The following LINGO2 variants were observed in gnomAD, a reference collection of about 807,000 sequenced individuals.
LINGO2 encodes leucine-rich repeat and immunoglobulin-like domain-containing nogo receptor-interacting protein 2.
In LINGO2, 14 loss-of-function variants were observed where a neutral mutation model predicts 30.6. The ratio of observed to expected loss-of-function variants is 0.46; its 90% CI spans 0.30 to 0.72. The LOEUF is 0.72. LINGO2 is among the 30% of genes least tolerant of loss of function. The pLI is 0.07. For missense variants in LINGO2, 729 were observed against 751.7 expected, an observed-to-expected ratio of 0.97 and a Z score of 0.35; for synonymous variants, 317 against 288.5, an observed-to-expected ratio of 1.10 and a Z score of -1.00.
At chr9:28,348,641 C>T (rs1445517127) in intron 3 of LINGO2, among the ~76,000 whole-genome samples, 1 of 152,072 alleles carries the variant, frequency 6.6e-6, no homozygotes, top group East Asian at 1.9e-4. Context: ...CTGGGTGGAG[C>T]CCACCACAGC....
At chr9:28,349,928 C>A (rs1032274841) in intron 3 of LINGO2, among the ~76,000 whole-genome samples, 9 of 152,164 alleles carry the variant, frequency 5.9e-5, no homozygotes, top group South Asian at 2.1e-4. Flanking sequence ...GAAATAAAAT[C>A]CTTTACAGAC....
At chr9:28,308,652 A>C (rs1206913564) in intron 3 of LINGO2, among the ~76,000 whole-genome samples, 4 of 148,768 alleles carry the variant, frequency 2.7e-5, no homozygotes, top group Non-Finnish European at 6.0e-5. Context: ...GCAACCTACA[A>C]AATGGGAGAA....
the LINGO2 span, among the ~76,000 whole-genome samples, chr9:29,144,331 A>G: frequency 6.6e-6 from 1 of 152,164 alleles, no homozygotes; most frequent in African/African-American, 2.4e-5. Flanking sequence ...AACAGCAATG[A>G]ATCTATAAAT....
At chr9:28,801,166 G>C in the LINGO2 span, among the ~76,000 whole-genome samples, 1 of 152,010 alleles carries the variant, frequency 6.6e-6, no homozygotes, top group Non-Finnish European at 1.5e-5. Flanking sequence ...TGAGTCTTTG[G>C]TTCCTGTCAT....
At chr9:29,052,629 C>A in the LINGO2 span, among the ~76,000 whole-genome samples, 1 of 152,252 alleles carries the variant, frequency 6.6e-6, no homozygotes, top group Admixed American at 6.5e-5. Context: ...TTACATTTAT[C>A]TTTTGGCAGT....
the LINGO2 span, among the ~76,000 whole-genome samples, chr9:28,946,570 T>C: frequency 2.0e-5 from 3 of 152,164 alleles, no homozygotes; most frequent in African/African-American, 7.2e-5. Context: ...TAGCCTAATA[T>C]CTTCCATGCA....
intron 3 of LINGO2, among the ~76,000 whole-genome samples, chr9:28,325,758 C>G (rs914498708): frequency 6.6e-6 from 1 of 152,086 alleles, no homozygotes; most frequent in Non-Finnish European, 1.5e-5. Flanking sequence ...TACCCAGTCT[C>G]GGGTATGCCT....
At chr9:29,110,489 C>T in the LINGO2 span, among the ~76,000 whole-genome samples, 3 of 151,732 alleles carry the variant, frequency 2.0e-5, no homozygotes, top group Non-Finnish European at 4.4e-5. Flanking sequence ...CCCGCCGCCA[C>T]GCCCGGCTAA....
At chr9:28,548,702 CAAAAAA>C (rs147347396) in intron 1 of LINGO2, among the ~76,000 whole-genome samples, 13 of 63,338 alleles carry the variant, frequency 2.1e-4, no homozygotes, top group African/African-American at 8.8e-4. Flanking sequence ...GACTCCATCT[CAAAAAA>C]AAAAAAAAAA....
chr9:29,147,852 T>C, the LINGO2 span, among the ~76,000 whole-genome samples: 1 of 152,098 alleles, frequency 6.6e-6, no homozygotes, highest in Non-Finnish European at 1.5e-5. Flanking sequence ...TAAATGAATG[T>C]ACAGCAGATT....
chr9:29,062,266 A>G, the LINGO2 span, among the ~76,000 whole-genome samples: 6 of 152,106 alleles, frequency 3.9e-5, no homozygotes, highest in African/African-American at 1.4e-4. Context: ...GCCATTATGG[A>G]AAACTGTATT....
chr9:28,743,945 T>C, the LINGO2 span, among the ~76,000 whole-genome samples: 1 of 151,686 alleles, frequency 6.6e-6, no homozygotes, highest in African/African-American at 2.4e-5. Context: ...TACATGTATG[T>C]TGGTGTACTT....
chr9:28,042,801 T>G (rs1156968772), intron 4 of LINGO2, among the ~76,000 whole-genome samples: 1 of 152,208 alleles, frequency 6.6e-6, no homozygotes, highest in Admixed American at 6.5e-5. Flanking sequence ...GCCTATTTTC[T>G]TCCTTCTTCC....
chr9:28,098,356 T>C (rs1227021368), intron 4 of LINGO2, among the ~76,000 whole-genome samples: 1 of 151,922 alleles, frequency 6.6e-6, no homozygotes, highest in East Asian at 1.9e-4. Flanking sequence ...CCAAAAACCA[T>C]TGAATTTTAC....
the LINGO2 span, among the ~76,000 whole-genome samples, chr9:28,950,716 C>A: frequency 4.1e-3 from 626 of 152,118 alleles, 5 homozygotes; most frequent in African/African-American, 0.014. Context: ...TCAAGAAGAA[C>A]CCTAAACCAC....
chr9:28,109,417 A>G (rs1826703154), intron 4 of LINGO2, among the ~76,000 whole-genome samples: 2 of 152,226 alleles, frequency 1.3e-5, no homozygotes, highest in African/African-American at 4.8e-5. Flanking sequence ...ATAGAATGAA[A>G]TAATGGGTAT....
chr9:28,001,291 T>C (rs1197943), intron 5 of LINGO2, among the ~76,000 whole-genome samples: 70,401 of 152,014 alleles, frequency 0.46, 16,672 homozygotes, highest in East Asian at 0.59. Flanking sequence ...CTCAGGGCAC[T>C]TTCACACAAC....
At chr9:28,752,804 C>T in the LINGO2 span, among the ~76,000 whole-genome samples, 1 of 152,040 alleles carries the variant, frequency 6.6e-6, no homozygotes, top group Non-Finnish European at 1.5e-5. Flanking sequence ...AGTGATGACA[C>T]AGGAGTGTGA....
At chr9:28,343,259 T>A (rs1819427542) in intron 3 of LINGO2, among the ~76,000 whole-genome samples, 1 of 152,174 alleles carries the variant, frequency 6.6e-6, no homozygotes, top group Admixed American at 6.6e-5. Flanking sequence ...ACTTTGCTTA[T>A]AGTTTATGAC....
Sources: gnomAD v4.1 joint callset for allele counts (sites outside exome capture counted in the v4.1 genomes callset) on GRCh38, gnomAD v4.1.1 for gene constraint, MANE v1.5 for transcripts, NCBI Gene and HGNC (gene_info 2026-07-23, HGNC 2026-07-21) for gene names.